Variants in OPCML observed in about 807,000 individuals in gnomAD.
OPCML encodes the protein opioid-binding protein/cell adhesion molecule.
In OPCML, 13 loss-of-function variants were observed where a neutral mutation model predicts 37.8. The observed-to-expected ratio is 0.34, with a 90% CI of 0.22 to 0.55. OPCML has a LOEUF of 0.55. Ranked by LOEUF, OPCML falls within the 20% of genes least tolerant of loss-of-function variation. The pLI is 0.91. For missense variants in OPCML, 341 were observed against 435.6 expected, an observed-to-expected ratio of 0.78 and a Z score of 1.93; for synonymous variants, 176 against 168.8, an observed-to-expected ratio of 1.04 and a Z score of -0.33.
chr11:132,423,100 G>C (rs1385148030), intron 7 of OPCML, among the ~76,000 whole-genome samples: 1 of 152,200 alleles, frequency 6.6e-6, no homozygotes, highest in African/African-American at 2.4e-5. Context: ...GCCTTCTTCA[G>C]TTGAAAGAAA....
At chr11:132,758,937 T>G (rs553515530) in intron 2 of OPCML, among the ~76,000 whole-genome samples, 2 of 152,336 alleles carry the variant, frequency 1.3e-5, no homozygotes, top group Non-Finnish European at 2.9e-5. Context: ...GGTTGTGGGT[T>G]TGTCATAAAC....
At chr11:133,219,393 C>A (rs1939718914) in intron 1 of OPCML, among the ~76,000 whole-genome samples, 1 of 152,182 alleles carries the variant, frequency 6.6e-6, no homozygotes, top group South Asian at 2.1e-4. Context: ...AGCTATTGAT[C>A]ACTTGGAATG....
intron 4 of OPCML, among the ~76,000 whole-genome samples, chr11:132,491,747 C>A (rs2096216437): frequency 6.6e-6 from 1 of 152,302 alleles, no homozygotes; most frequent in South Asian, 2.1e-4. Flanking sequence ...ACACAAAGGT[C>A]CTGCTCACAA....
At chr11:132,424,551 AG>A (rs1413949862) in intron 7 of OPCML, among the ~76,000 whole-genome samples, 1 of 152,182 alleles carries the variant, frequency 6.6e-6, no homozygotes, top group Non-Finnish European at 1.5e-5. Context: ...AAACATCCCT[AG>A]GGACCTCAGG....
intron 1 of OPCML, among the ~76,000 whole-genome samples, chr11:133,018,997 C>T (rs886839633): frequency 1.3e-5 from 2 of 152,204 alleles, no homozygotes; most frequent in African/African-American, 4.8e-5. Flanking sequence ...CCCCTGTGCT[C>T]ACCTACAATC....
Position 133,102,441 on chromosome 11 carries a change from T to C in OPCML, c.62-159431A>G, listed in dbSNP as rs181524073. On this transcript the variant is annotated intron_variant, in intron 1 of 7. Transcript: ENST00000524381. The stretch of plus-strand genomic sequence containing the variant: ...CTTAAACATCTACTATTCTGGGAAA[T>C]GCATTCTCAAAAACTAGGCCAAATT... Among the ~76,000 whole-genome samples the C allele has an allele frequency of 1.7e-3, 256 of 152,298 alleles. 1 individual carries two copies. Among genetic ancestry groups the C allele is most frequent in the African/African-American group, 5.9e-3 (246 of 41,576 alleles).
intron 1 of OPCML, among the ~76,000 whole-genome samples, chr11:133,218,883 C>T (rs1939698678): frequency 6.6e-6 from 1 of 152,194 alleles, no homozygotes; most frequent in African/African-American, 2.4e-5. Context: ...TAGTCTCTGT[C>T]ATACCACCGT....
At chr11:132,558,690 T>G (rs748439289) in intron 3 of OPCML, among the ~76,000 whole-genome samples, 6 of 151,638 alleles carry the variant, frequency 4.0e-5, no homozygotes, top group East Asian at 2.0e-4. Flanking sequence ...TTTAACAGAC[T>G]AAAATACAAA....
intron 1 of OPCML, among the ~76,000 whole-genome samples, chr11:133,353,788 G>A (rs920267690): frequency 6.6e-6 from 1 of 152,150 alleles, no homozygotes; most frequent in Non-Finnish European, 1.5e-5. Context: ...GCTTTTGGAC[G>A]ATGTAGATAA....
At chr11:132,925,747 A>T (rs1312229710) in intron 2 of OPCML, among the ~76,000 whole-genome samples, 1 of 152,104 alleles carries the variant, frequency 6.6e-6, no homozygotes, top group Non-Finnish European at 1.5e-5. Flanking sequence ...GCCTTATCCT[A>T]TGACTTCAAT....
intron 1 of OPCML, among the ~76,000 whole-genome samples, chr11:133,315,750 A>T (rs915866103): frequency 2.0e-5 from 3 of 152,166 alleles, no homozygotes; most frequent in Non-Finnish European, 4.4e-5. Flanking sequence ...GTGAGCCAAG[A>T]TCATGCCACC....
rs1326728480 is a variant in OPCML, at chr11:132,429,524, GGAA to G, written c.916+6559_916+6561del. 5.9e-5 allele frequency among the ~76,000 whole-genome samples: 9 copies of G among 152,160 alleles called. No homozygotes were observed. In the South Asian group the frequency reaches 1.0e-3, roughly 18 times the overall value. ...CCAGAGATTCTAGAGAGTGTGCAGG[GGAA>G]GAGCGAGGCATGCCCCGAGCGTTCC... On this transcript the variant is annotated intron_variant, in intron 7 of 7. Transcript: ENST00000524381.
chr11:132,659,704 C>CTGTGTGTGTG (rs58318033), intron 2 of OPCML, among the ~76,000 whole-genome samples: 4 of 147,232 alleles, frequency 2.7e-5, no homozygotes, highest in African/African-American at 9.9e-5. Context: ...CACAAAATTC[C>CTGTGTGTGTG]TGTGTGTGTG....
At chr11:132,537,509 C>G (rs2096343978) in intron 3 of OPCML, among the ~76,000 whole-genome samples, 1 of 152,190 alleles carries the variant, frequency 6.6e-6, no homozygotes, top group Admixed American at 6.5e-5. Flanking sequence ...ACTATGTAGC[C>G]TTTGATTAGG....
intron 3 of OPCML, among the ~76,000 whole-genome samples, chr11:132,623,292 T>C: frequency 6.6e-6 from 1 of 151,900 alleles, no homozygotes; most frequent in African/African-American, 2.4e-5. Context: ...TCACTTCGCC[T>C]GGAAATTTTA....
At chr11:133,117,973 G>T in intron 1 of OPCML, 1 of 972,960 alleles carries the variant, frequency 1.0e-6, no homozygotes, top group Non-Finnish European at 1.2e-6. Flanking sequence ...TTGGGGAACT[G>T]CAAGTGGAGG....
At chr11:132,652,886 T>G (rs1392201891) in intron 3 of OPCML, among the ~76,000 whole-genome samples, 2 of 152,222 alleles carry the variant, frequency 1.3e-5, no homozygotes, top group African/African-American at 4.8e-5. Flanking sequence ...AACATCAATC[T>G]GCTTCTGCTC....
At chr11:133,189,673 C>A (rs1938225315) in intron 1 of OPCML, among the ~76,000 whole-genome samples, 1 of 152,048 alleles carries the variant, frequency 6.6e-6, no homozygotes, top group South Asian at 2.1e-4. Context: ...TATGAAACTC[C>A]CTCCTAAATC....
intron 1 of OPCML, among the ~76,000 whole-genome samples, chr11:132,948,657 C>T (rs1400549414): frequency 1.3e-5 from 2 of 152,072 alleles, no homozygotes; most frequent in Admixed American, 1.3e-4. Context: ...ATCAAAGCAT[C>T]ATAAAATACA....
Sources: allele counts gnomAD v4.1 joint callset (sites outside exome capture counted in the v4.1 genomes callset), GRCh38; gene constraint gnomAD v4.1.1; transcripts MANE v1.5; gene names NCBI Gene and HGNC (gene_info 2026-07-23, HGNC 2026-07-21).